ZBED6: variants seen among roughly 807,000 people sequenced by gnomAD.
ZBED6 encodes zinc finger BED-type containing 6, also known as zinc finger BED domain-containing protein 6.
In ZBED6, 40 loss-of-function variants were observed where a neutral mutation model predicts 58.4. The ratio of observed to expected loss-of-function variants is 0.68; its 90% CI spans 0.53 to 0.89. ZBED6 has a LOEUF of 0.89. Among genes scored for constraint, ZBED6 ranks in the 40% least tolerant of loss-of-function variants. The pLI is 0.00. For missense variants in ZBED6, 1,057 were observed against 1,003.9 expected, an observed-to-expected ratio of 1.05 and a Z score of -0.71; for synonymous variants, 439 against 350.6, an observed-to-expected ratio of 1.25 and a Z score of -2.82.
At chr1:203,807,643 C>T (rs931171472) in intron 1 of ZBED6, among the ~76,000 whole-genome samples, 17 of 152,120 alleles carry the variant, frequency 1.1e-4, no homozygotes, top group African/African-American at 3.9e-4. Flanking sequence ...CCTTCCAGCT[C>T]AGCCTCCCAA....
In ZBED6 at chr1:203,833,784, A is replaced by G. The variant is rs1162786726; in HGVS notation, c.*3511-7A>G. The stretch of plus-strand genomic sequence containing the variant: ...AGGATAGAGAAATTCTGCTTTTGCC[A>G]TTTCAGGAGAAGAACCCTTGGTTAG... On this transcript the variant is annotated splice_polypyrimidine_tract_variant and splice_region_variant and intron_variant, in intron 8 of 16. Transcript: ENST00000550078. 6.2e-7 allele frequency: 1 copy of G among 1,604,470 alleles called. No homozygotes were observed. Among genetic ancestry groups the G allele is most frequent in the Admixed American group, 1.7e-5 (1 of 57,760 alleles).
exon 1 of ZBED6, chr1:203,796,129 G>C (rs553067410): frequency 1.9e-5 from 4 of 211,014 alleles, no homozygotes; most frequent in African/African-American, 2.3e-5. Flanking sequence ...GAGGAGCCCG[G>C]AGCAGCCCCG....
intron 9 of ZBED6, among the ~76,000 whole-genome samples, chr1:203,834,905 A>G (rs1445511987): frequency 6.6e-6 from 1 of 152,222 alleles, no homozygotes; most frequent in African/African-American, 2.4e-5. Flanking sequence ...CTGCCTCCCA[A>G]AGTGCTGGGA....
chr1:203,800,546 C>A, exon 1 of ZBED6: 1 of 1,255,952 alleles, frequency 8.0e-7, no homozygotes, highest in Non-Finnish European at 1.1e-6. Flanking sequence ...TAATCATTAT[C>A]TTTATAAACA....
At chr1:203,819,119 C>CAT (rs1558111100) in intron 3 of ZBED6, among the ~76,000 whole-genome samples, 3 of 140,994 alleles carry the variant, frequency 2.1e-5, no homozygotes, top group African/African-American at 8.3e-5. Context: ...CACACACACA[C>CAT]GTGTATATAT....
chr1:203,840,578 T>A (rs1685781112), intron 11 of ZBED6, among the ~76,000 whole-genome samples: 1 of 151,822 alleles, frequency 6.6e-6, no homozygotes, highest in South Asian at 2.1e-4. Context: ...GTAAAATGAT[T>A]GTTCATCATA....
chr1:203,853,852 A>C (rs1400158935), exon 17 of ZBED6: 1 of 152,664 alleles, frequency 6.6e-6, no homozygotes. Context: ...AGCTGACTGA[A>C]TGTTGTATGA....
At chr1:203,808,426 T>A (rs1187509829) in intron 1 of ZBED6, among the ~76,000 whole-genome samples, 1 of 152,330 alleles carries the variant, frequency 6.6e-6, no homozygotes, top group Middle Eastern at 3.4e-3. Flanking sequence ...AGCAGAGATG[T>A]CTTTAAAGAA....
At chr1:203,842,924 C>CTT (rs35820616) in intron 11 of ZBED6, among the ~76,000 whole-genome samples, 55 of 146,740 alleles carry the variant, frequency 3.7e-4, no homozygotes, top group East Asian at 1.8e-3. Flanking sequence ...AGCCTTCCGT[C>CTT]TTTTTTTTTT....
At position 203,843,579 on chromosome 1, in the gene ZBED6, C is replaced by T. The variant is rs137940812; in HGVS notation, c.*3741+3205C>T. 2.3e-3 allele frequency among the ~76,000 whole-genome samples: 344 copies of T among 152,272 alleles called. 1 individual carries two copies. The highest frequency in any genetic ancestry group is 7.8e-3 in the African/African-American group (325 of 41,558). On this transcript the variant is annotated intron_variant, in intron 11 of 16. Coordinates refer to ENST00000550078, the Ensembl canonical transcript of ZBED6. ...TGCAGTCCACAGTATTGCAGCTACC[C>T]CACTCTGCCATTGTAGAATGAAAGC...
intron 3 of ZBED6, among the ~76,000 whole-genome samples, chr1:203,826,130 C>T (rs181714799): frequency 5.5e-4 from 83 of 152,228 alleles, no homozygotes; most frequent in African/African-American, 1.5e-3. Flanking sequence ...ATTGTTATTC[C>T]TGTCTAAAAA....
rs768702348 is a variant in ZBED6, at chr1:203,824,040, G to A, written c.*2874-4259G>A. On this transcript the variant is annotated intron_variant, in intron 3 of 16. Transcript: ENST00000550078. The stretch of plus-strand genomic sequence containing the variant: ...TCTCAGCACTTTGGGAGGCTGAGGC[G>A]GCTGGATCACCTGAGGTCAGGAGTT... 4.6e-5 allele frequency among the ~76,000 whole-genome samples: 7 copies of A among 152,100 alleles called. No homozygotes were observed. The South Asian group carries it at 6.2e-4, about 14-fold the overall frequency.
intron 1 of ZBED6, among the ~76,000 whole-genome samples, chr1:203,808,378 TAC>T (rs1673096149): frequency 6.6e-6 from 1 of 152,216 alleles, no homozygotes; most frequent in African/African-American, 2.4e-5. Flanking sequence ...ATTTTGTCTT[TAC>T]CATTGGAATT....
exon 1 of ZBED6, chr1:203,799,211 T>C: frequency 1.0e-6 from 1 of 995,174 alleles, no homozygotes; most frequent in South Asian, 1.4e-5. Flanking sequence ...TCATTGTTTC[T>C]GACAATTCCT....
chr1:203,829,663 T>C lies in ZBED6; in HGVS notation c.*3201+9T>C. ...TGATGAAGATGATGATGGTAAGTTC[T>C]GTCTGGCTCCTTCTTTAAGGCAAAT... On this transcript the variant is annotated intron_variant, in intron 5 of 16. Coordinates refer to ENST00000550078, the Ensembl canonical transcript of ZBED6. 6.2e-7 allele frequency: 1 copy of C among 1,614,238 alleles called. No homozygotes were observed. Among genetic ancestry groups the C allele is most frequent in the Non-Finnish European group, 8.5e-7 (1 of 1,180,032 alleles).
At chr1:203,839,100 A>G (rs1685287922) in intron 10 of ZBED6, among the ~76,000 whole-genome samples, 1 of 152,220 alleles carries the variant, frequency 6.6e-6, no homozygotes, top group Non-Finnish European at 1.5e-5. Flanking sequence ...ATGAGTTGGC[A>G]GGCTGTTAAA....
intron 14 of ZBED6, 124 bp from the exon 15 acceptor site, chr1:203,850,391 C>T: frequency 6.9e-7 from 1 of 1,440,568 alleles, no homozygotes; most frequent in Middle Eastern, 1.7e-4. Context: ...TTTTCAGTCT[C>T]TTTTTAAATG....
exon 12 of ZBED6, chr1:203,847,565 A>G: frequency 6.2e-7 from 1 of 1,613,922 alleles, no homozygotes; most frequent in Non-Finnish European, 8.5e-7. Flanking sequence ...AAGACGCTGG[A>G]AGAAATTAAA....
chr1:203,852,453 T>G (rs1210437109), exon 17 of ZBED6: 9 of 1,594,330 alleles, frequency 5.6e-6, no homozygotes, highest in Non-Finnish European at 6.8e-6. Flanking sequence ...TGGACTTAGT[T>G]TCATCTATTG....
Sources: gnomAD v4.1 joint callset for allele counts (sites outside exome capture counted in the v4.1 genomes callset) on GRCh38, gnomAD v4.1.1 for gene constraint, MANE v1.5 for transcripts, NCBI Gene and HGNC (gene_info 2026-07-23, HGNC 2026-07-21) for gene names.